DLG4: variants seen among roughly 807,000 people sequenced by gnomAD.
The protein encoded by DLG4 is disks large homolog 4.
A neutral mutation model predicts 93.8 loss-of-function variants in DLG4; 7 were observed. That is an observed-to-expected ratio of 0.07 (90% CI 0.04 to 0.14). The LOEUF is 0.14. DLG4 is among the 10% of genes least tolerant of loss of function. DLG4 has a pLI of 1.00. For missense variants in DLG4, 545 were observed against 992.9 expected (o/e 0.55, Z 6.06); for synonymous variants, 341 against 387.6 (o/e 0.88, Z 1.41).
At position 7,188,604 on chromosome 17, in the gene DLG4, T is replaced by C. The variant is rs2069357224; in HGVS notation, c.*2104A>G. ...CAGTTAGGACTTAGGGCCAGGAAAATATGACTCCCTAAAAGAACTAAAATT... is the reference window on the plus strand; with the variant it reads ...CAGTTAGGACTTAGGGCCAGGAAAACATGACTCCCTAAAAGAACTAAAATT... On this transcript the variant is annotated 3_prime_UTR_variant, in exon 20 of 20. Coordinates refer to ENST00000399506, the MANE Select transcript of DLG4 (RefSeq NM_001321075.3). Among the ~76,000 whole-genome samples, 1 of 152,062 alleles carries C rather than the reference T, an allele frequency of 6.6e-6. No individual in the cohort carries two copies. Among genetic ancestry groups the C allele is most frequent in the Non-Finnish European group, 1.5e-5 (1 of 67,998 alleles).
rs771015246 is a variant in DLG4, at chr17:7,195,779, G to A, written c.1301+441C>T. Among the ~76,000 whole-genome samples the A allele has an allele frequency of 1.3e-5, 2 of 152,188 alleles. No homozygotes were observed. The highest frequency in any genetic ancestry group is 1.5e-5 in the Non-Finnish European group (1 of 68,028). The stretch of plus-strand genomic sequence containing the variant: ...AGCCACAAAAAGAGTCAATGGAGAC[G>A]AGCCCTAAGAGGGGAGCAAAATGCC... On this transcript the variant is annotated intron_variant, in intron 11 of 19. Coordinates refer to ENST00000399506, the MANE Select transcript of DLG4 (RefSeq NM_001321075.3). The surrounding 1 kb of genome is among the most constrained non-coding windows in gnomAD (Gnocchi z 4.3).
intron 1 of DLG4, among the ~76,000 whole-genome samples, chr17:7,212,905 C>G (rs1597494267): frequency 6.6e-6 from 1 of 151,974 alleles, no homozygotes; most frequent in Non-Finnish European, 1.5e-5. Context: ...CGGTGGCAGG[C>G]GCCTGTAATC....
rs200882492 is a variant in DLG4, at chr17:7,193,609, C to T, written c.1592-25G>A. 4.6e-5 allele frequency: 70 copies of T among 1,525,646 alleles called. No homozygotes were observed. In the East Asian group the frequency reaches 1.4e-3, roughly 32 times the overall value. The allele number at this position is 1,525,646 out of a possible 1,614,324, so 94.5% of individuals were successfully genotyped here. On this transcript the variant is annotated intron_variant, in intron 15 of 19. Coordinates refer to ENST00000399506, the MANE Select transcript of DLG4 (RefSeq NM_001321075.3). This position sits in a 1 kb window ranked among gnomAD's most constrained non-coding sequence, Gnocchi z 6.7. ...ACTGCAGAGAGAGCCTGGCTTAGGCCGAGCGCAGGGTTGGGGGAGCAGCAA... is the reference window on the plus strand; with the variant it reads ...ACTGCAGAGAGAGCCTGGCTTAGGCTGAGCGCAGGGTTGGGGGAGCAGCAA...
rs2586539 is a variant in DLG4 at position 7,191,771 on chromosome 17, C to T, written c.1976+122G>A. The T allele has an allele frequency of 5.7e-6, 4 of 702,030 alleles. No individual in the cohort carries two copies. Among genetic ancestry groups the T allele is most frequent in the African/African-American group, 3.5e-5 (2 of 56,550 alleles). 43.5% of individuals were successfully genotyped at this position (702,030 alleles called of 1,614,324 possible). On this transcript the variant is annotated intron_variant, in intron 18 of 19. Transcript: ENST00000399506. The surrounding 1 kb of genome is among the most constrained non-coding windows in gnomAD (Gnocchi z 6.6). ...CATCCTCTGGGTTCCAGGGATCCCCCTCAGGGGCTGCTGAAACCGCTGTCC... is the reference window on the plus strand; with the variant it reads ...CATCCTCTGGGTTCCAGGGATCCCCTTCAGGGGCTGCTGAAACCGCTGTCC...
chr17:7,194,552 C>T lies in DLG4; in HGVS notation c.1302-57G>A. The T allele has an allele frequency of 1.3e-6, 2 of 1,542,012 alleles. No individual in the cohort carries two copies. The highest frequency in any genetic ancestry group is 1.8e-6 in the Non-Finnish European group (2 of 1,141,506). On this transcript the variant is annotated intron_variant, in intron 11 of 19. Coordinates refer to ENST00000399506, the MANE Select transcript of DLG4 (RefSeq NM_001321075.3). This position sits in a 1 kb window ranked among gnomAD's most constrained non-coding sequence, Gnocchi z 4.4. ...AGCTGAGGACTCCAGGAAGGATGCC[C>T]CAGTCACCCAAAGACCCGGCCCAGA...
chr17:7,219,622 A>G (rs1329670504), upstream of DLG4: 1 of 1,211,360 alleles, frequency 8.3e-7, no homozygotes, highest in African/African-American at 1.6e-5. Context: ...TTTCCCTTCT[A>G]ACCCCACCGG....
At chr17:7,218,606 G>T, upstream of DLG4, 1 of 1,565,674 alleles carries the variant, frequency 6.4e-7, no homozygotes, top group East Asian at 2.4e-5. Context: ...CCGCAGCAGT[G>T]GGGGTGCCAG....
At chr17:7,192,615 A>C (rs952336362) in intron 17 of DLG4, among the ~76,000 whole-genome samples, 2 of 150,962 alleles carry the variant, frequency 1.3e-5, no homozygotes, top group African/African-American at 4.9e-5. Flanking sequence ...GTCAGGAAAA[A>C]GGGAGGGACC....
intron 1 of DLG4, among the ~76,000 whole-genome samples, chr17:7,214,096 C>T (rs2070809982): frequency 6.6e-6 from 1 of 152,184 alleles, no homozygotes; most frequent in Admixed American, 6.5e-5. Flanking sequence ...TTGCCGTCGC[C>T]TAGCAACCGT....
chr17:7,205,634 A>T (rs1035613177), intron 2 of DLG4, among the ~76,000 whole-genome samples: 12 of 151,842 alleles, frequency 7.9e-5, no homozygotes, highest in African/African-American at 2.9e-4. Flanking sequence ...CCCTTCACAT[A>T]TCAGCAAATG....
chr17:7,213,091 CTTTCTTTT>C (rs1158616129), intron 1 of DLG4, among the ~76,000 whole-genome samples: 20 of 99,536 alleles, frequency 2.0e-4, no homozygotes, highest in Admixed American at 4.4e-4. Flanking sequence ...TTCTTTCTTT[CTTTCTTTT>C]TTTTTTTTTT....
rs928756596 is a variant in DLG4 at position 7,196,163 on chromosome 17, C to G, written c.1301+57G>C. The G allele has an allele frequency of 1.5e-5, 21 of 1,389,660 alleles. No individual in the cohort carries two copies. Among genetic ancestry groups the G allele is most frequent in the Middle Eastern group, 2.3e-4 (1 of 4,354 alleles). 86.1% of individuals were successfully genotyped at this position (1,389,660 alleles called of 1,614,324 possible). ...AGGAGCGGCTGAGGCCCGGGCCAGG[C>G]ACAGAGTGCCCAGGAACGCAGAGGG... On this transcript the variant is annotated intron_variant, in intron 11 of 19. Coordinates refer to ENST00000399506, the MANE Select transcript of DLG4 (RefSeq NM_001321075.3). This position sits in a 1 kb window ranked among gnomAD's most constrained non-coding sequence, Gnocchi z 8.3.
rs2069588486 is a variant in DLG4 at position 7,193,130 on chromosome 17, C to T, written c.1694-13G>A. ...GGCCGTGTCGTATCTGCCAGGAAGT[C>T]ACCCCACCCCCCAAAGATCTAACCA... On this transcript the variant is annotated splice_polypyrimidine_tract_variant and intron_variant, in intron 16 of 19. Coordinates refer to ENST00000399506, the MANE Select transcript of DLG4 (RefSeq NM_001321075.3). The surrounding 1 kb of genome is among the most constrained non-coding windows in gnomAD (Gnocchi z 6.7). 6.2e-7 allele frequency: 1 copy of T among 1,613,154 alleles called. No individual in the cohort carries two copies.
intron 2 of DLG4, chr17:7,204,473 G>A (rs2070350296): frequency 3.8e-6 from 2 of 520,696 alleles, no homozygotes; most frequent in Non-Finnish European, 6.7e-6. Flanking sequence ...ACACGCGCAA[G>A]GATCTAACTC....
chr17:7,203,006 A>G lies in DLG4; in HGVS notation c.684T>C (p.Ala228=), dbSNP rs761088168. 8 of 1,612,456 alleles carry G rather than the reference A, an allele frequency of 5.0e-6. No homozygotes were observed. The highest frequency in any genetic ancestry group is 3.4e-6 in the Non-Finnish European group (4 of 1,178,596). The change falls in exon 8 of 20, where the codon GCT becomes GCC. Residue 228 remains alanine, a synonymous_variant. Transcript: ENST00000399506. The surrounding 1 kb of genome is among the most constrained non-coding windows in gnomAD (Gnocchi z 7.2). ...VGLEDVMHED[A]VAALKNTYDV... Reference sequence around the variant, plus strand: ...CATACGTGTTCTTCAGGGCTGCCACAGCATCTTCATGCATGACGTCCTCTA... The same window carrying G: ...CATACGTGTTCTTCAGGGCTGCCACGGCATCTTCATGCATGACGTCCTCTA...
In DLG4 at chr17:7,187,307, A is replaced by AG. The variant is rs755045165; in HGVS notation, c.*3400dup. Among the ~76,000 whole-genome samples, 2,303 of 45,256 alleles carry AG rather than the reference A, an allele frequency of 0.051. 200 individuals carry two copies. Among genetic ancestry groups the AG allele is most frequent in the East Asian group, 0.12 (237 of 2,060 alleles). The allele number at this position is 45,256 out of a possible 152,430, so 29.7% of individuals were successfully genotyped here. ...GTAATCCTAGCACTTTGGGAGGCCG[A>AG]GGGGGGGGGGGGTGGATCACCCGAG... On this transcript the variant is annotated 3_prime_UTR_variant, in exon 20 of 20. Transcript: ENST00000399506.
In DLG4 at chr17:7,191,909, A is replaced by G; in HGVS notation, c.1960T>C (p.Ser654Pro). 6.7e-7 allele frequency: 1 copy of G among 1,485,366 alleles called. No individual in the cohort carries two copies. Among genetic ancestry groups the G allele is most frequent in the Non-Finnish European group, 9.0e-7 (1 of 1,115,050 alleles). 92.0% of individuals were successfully genotyped at this position (1,485,366 alleles called of 1,614,324 possible). The change falls in exon 18 of 20, where the codon TCC becomes CCC. Residue 654 changes from serine (S) to proline (P), a missense_variant. Ser to Pro is a moderately conservative substitution (Grantham distance 74). Around this residue, in one of 5 missense-constraint regions of DLG4, gnomAD observed 428 missense variants for 741.4 expected, o/e 0.58. Transcript: ENST00000399506. The surrounding 1 kb of genome is among the most constrained non-coding windows in gnomAD (Gnocchi z 6.6). ...HPIAIFIRPRSLENVLEINKR... is the reference protein window; with the variant it reads ...HPIAIFIRPRPLENVLEINKR... ...CATACTCACAGCACATTCTCCAGGGAGCGGGGGCGGATGAAGATGGCGATG... is the reference window on the plus strand; with the variant it reads ...CATACTCACAGCACATTCTCCAGGGGGCGGGGGCGGATGAAGATGGCGATG...
chr17:7,201,905 A>T (rs867953792), intron 8 of DLG4, among the ~76,000 whole-genome samples: 2 of 152,208 alleles, frequency 1.3e-5, no homozygotes, highest in African/African-American at 4.8e-5. Flanking sequence ...AAATTAAATT[A>T]AAAAATAAGT....
intron 8 of DLG4, 93 bp from the exon 9 acceptor site, chr17:7,197,145 G>C: frequency 7.9e-7 from 1 of 1,268,622 alleles, no homozygotes; most frequent in East Asian, 2.5e-5. Context: ...GCCAAAGTTA[G>C]GTGGAAGGGA....
Sources: gnomAD v4.1 joint callset for allele counts (sites outside exome capture counted in the v4.1 genomes callset) on GRCh38, gnomAD v4.1.1 for gene constraint, gnomAD v4.1.1 regional missense constraint, Gnocchi (gnomAD v3.1) non-coding constraint, MANE v1.5 for transcripts, NCBI Gene and HGNC (gene_info 2026-07-23, HGNC 2026-07-21) for gene names.